Variants in CFAP96 observed in about 807,000 individuals in gnomAD.
CFAP96 encodes cilia-and flagella-associated protein 96.
chr4:185,448,204 A>G, the CFAP96 span, among the ~76,000 whole-genome samples: 1 of 152,004 alleles, frequency 6.6e-6, no homozygotes, highest in Admixed American at 6.6e-5. Context: ...TATTTTTAGT[A>G]GAGAAGGGGT....
the CFAP96 span, among the ~76,000 whole-genome samples, chr4:185,411,400 C>T: frequency 2.6e-5 from 4 of 152,066 alleles, no homozygotes; most frequent in African/African-American, 7.2e-5. Flanking sequence ...ATTAACCTAA[C>T]TAATTTAGTA....
the CFAP96 span, among the ~76,000 whole-genome samples, chr4:185,443,921 CTTTTTTTTTTTTTTTTT>C: frequency 0.047 from 3,865 of 82,758 alleles, 950 homozygotes; most frequent in African/African-American, 0.12. Flanking sequence ...CTATATCTTT[CTTTTTTTTTTTTTTTTT>C]TTTTTTTTTT....
the CFAP96 span, among the ~76,000 whole-genome samples, chr4:185,424,116 A>G: frequency 5.4e-5 from 8 of 148,020 alleles, no homozygotes; most frequent in African/African-American, 2.0e-4. Context: ...AGACTGGGCA[A>G]CATAGGAAGA....
chr4:185,439,969 GTA>G, the CFAP96 span, among the ~76,000 whole-genome samples: 179 of 141,232 alleles, frequency 1.3e-3, no homozygotes, highest in Non-Finnish European at 2.0e-3. Context: ...ATACATATAT[GTA>G]TATGTGTATA....
chr4:185,414,767 A>C, the CFAP96 span, among the ~76,000 whole-genome samples: 1 of 152,200 alleles, frequency 6.6e-6, no homozygotes, highest in Non-Finnish European at 1.5e-5. Flanking sequence ...AATTAGCATA[A>C]GTTATCATTT....
the CFAP96 span, among the ~76,000 whole-genome samples, chr4:185,412,198 G>A: frequency 5.9e-5 from 9 of 152,004 alleles, no homozygotes; most frequent in Non-Finnish European, 1.0e-4. Context: ...TTTTTCTTAC[G>A]ACCTTGTAAT....
At chr4:185,433,997 T>C in the CFAP96 span, among the ~76,000 whole-genome samples, 4 of 152,154 alleles carry the variant, frequency 2.6e-5, no homozygotes, top group Non-Finnish European at 5.9e-5. Flanking sequence ...GGCGGATGTA[T>C]TGCTTGAGTC....
chr4:185,429,772 G>C, the CFAP96 span, among the ~76,000 whole-genome samples: 1 of 152,178 alleles, frequency 6.6e-6, no homozygotes, highest in East Asian at 1.9e-4. Flanking sequence ...TGGGCTCAAG[G>C]GTTCCTCCCA....
At chr4:185,426,139 GTTCTTCGA>G in the CFAP96 span, 11 of 533,346 alleles carry the variant, frequency 2.1e-5, no homozygotes, top group Admixed American at 3.2e-5. Flanking sequence ...CCTTCTGTGT[GTTCTTCGA>G]TGCGGATTCG....
chr4:185,414,061 G>A, the CFAP96 span, among the ~76,000 whole-genome samples: 3 of 152,088 alleles, frequency 2.0e-5, no homozygotes, highest in Admixed American at 6.5e-5. Context: ...ATTTATTTTC[G>A]TTTACGTCTG....
At chr4:185,438,340 A>G in the CFAP96 span, among the ~76,000 whole-genome samples, 4 of 152,098 alleles carry the variant, frequency 2.6e-5, no homozygotes, top group African/African-American at 7.2e-5. Flanking sequence ...CAAACTCACC[A>G]ATCTATTTTT....
At chr4:185,446,784 A>G in the CFAP96 span, among the ~76,000 whole-genome samples, 2 of 152,206 alleles carry the variant, frequency 1.3e-5, no homozygotes, top group Non-Finnish European at 1.5e-5. Context: ...TGTGTTTTCT[A>G]TAAAAAAAAT....
At chr4:185,409,091 C>T in the CFAP96 span, among the ~76,000 whole-genome samples, 24 of 151,920 alleles carry the variant, frequency 1.6e-4, no homozygotes, top group African/African-American at 5.1e-4. Flanking sequence ...GCCTGGCACA[C>T]GGTTAATATA....
the CFAP96 span, chr4:185,431,995 G>A: frequency 1.9e-6 from 3 of 1,551,274 alleles, no homozygotes; most frequent in Non-Finnish European, 2.6e-6. Context: ...CCTTTAATGA[G>A]GCTGCAAGCA....
chr4:185,415,772 A>C, the CFAP96 span: 1 of 1,613,854 alleles, frequency 6.2e-7, no homozygotes. Context: ...TCATATTAAC[A>C]TAATGGTGTC....
chr4:185,447,769 A>C, the CFAP96 span, among the ~76,000 whole-genome samples: 1 of 152,220 alleles, frequency 6.6e-6, no homozygotes, highest in Non-Finnish European at 1.5e-5. Flanking sequence ...TGTAAAATAA[A>C]ATAACCACCC....
chr4:185,418,706 G>A, the CFAP96 span: 52 of 1,613,734 alleles, frequency 3.2e-5, no homozygotes, highest in African/African-American at 5.3e-4. Flanking sequence ...ACACAAGGGC[G>A]TTTGAAGACA....
chr4:185,446,324 C>A, the CFAP96 span, among the ~76,000 whole-genome samples: 1 of 152,162 alleles, frequency 6.6e-6, no homozygotes, highest in Non-Finnish European at 1.5e-5. Flanking sequence ...GGAAAGAAGA[C>A]TTCATAGTAA....
the CFAP96 span, among the ~76,000 whole-genome samples, chr4:185,443,342 A>ATATATATATATATTT: frequency 1.8e-3 from 47 of 26,718 alleles, 1 homozygote; most frequent in Middle Eastern, 0.024. Context: ...ATATATATAT[A>ATATATATATATATTT]TTTTTTTTTT....
Sources: allele counts gnomAD v4.1 joint callset (sites outside exome capture counted in the v4.1 genomes callset), GRCh38; gene constraint gnomAD v4.1.1; transcripts MANE v1.5; gene names NCBI Gene and HGNC (gene_info 2026-07-23, HGNC 2026-07-21).